ABHD18: variants seen among roughly 807,000 people sequenced by gnomAD.
ABHD18 encodes abhydrolase domain containing 18.
In ABHD18, 55 loss-of-function variants were observed where a neutral mutation model predicts 65.9. The observed-to-expected ratio is 0.84, with a 90% CI of 0.67 to 1.05. ABHD18 has a LOEUF of 1.05. Ranked by LOEUF, ABHD18 falls within the 50% of genes least tolerant of loss-of-function variation. The pLI, the probability that ABHD18 is intolerant of heterozygous loss-of-function variation, is 0.00. For synonymous variants in ABHD18, 181 were observed against 180.2 expected, an observed-to-expected ratio of 1.00 and a Z score of -0.04; for missense variants, 533 against 558.5, an observed-to-expected ratio of 0.95 and a Z score of 0.46.
In ABHD18 at chr4:128,028,684, G is replaced by A. The variant is rs1017084052; in HGVS notation, c.1011G>A (p.Met337Ile). Residue 337 changes from methionine (M) to isoleucine (I), a missense_variant, in exon 11 of 13, where the codon ATG becomes ATA. Physicochemically the swap from Met to Ile is conservative, Grantham distance 10. This residue lies in a region of ABHD18 where 220 missense variants were observed against 226.8 expected (regional missense o/e 0.97). Coordinates refer to ENST00000645843, the MANE Select transcript of ABHD18 (RefSeq NM_001358451.3). ...TCTTATTGCAAGATACCTCTAAGAT[G>A]AAGCGCTTCAATCAAACACTTTCAA... ...EGLLLQDTSK[M>I]KRFNQTLSTN... The A allele has an allele frequency of 1.1e-5, 17 of 1,613,866 alleles. No individual in the cohort carries two copies. Among genetic ancestry groups the A allele is most frequent in the Non-Finnish European group, 1.4e-5 (17 of 1,179,862 alleles).
chr4:127,983,852 G>A (rs531520264), intron 2 of ABHD18, among the ~76,000 whole-genome samples: 2 of 151,682 alleles, frequency 1.3e-5, no homozygotes, highest in East Asian at 1.9e-4. Context: ...GCGAGACTCC[G>A]TCTCAAAAAA....
At chr4:127,984,643 A>T (rs1245004584) in intron 3 of ABHD18, among the ~76,000 whole-genome samples, 1 of 152,138 alleles carries the variant, frequency 6.6e-6, no homozygotes, top group Non-Finnish European at 1.5e-5. Context: ...GGATCACCTG[A>T]GGTTGGGAGT....
At chr4:128,033,048 T>C (rs1333282280) in intron 12 of ABHD18, among the ~76,000 whole-genome samples, 2 of 151,860 alleles carry the variant, frequency 1.3e-5, no homozygotes. Flanking sequence ...GGCCAGGAGA[T>C]CAAGACCATC....
At chr4:127,973,220 T>TA (rs1747193843) in intron 1 of ABHD18, among the ~76,000 whole-genome samples, 1 of 152,156 alleles carries the variant, frequency 6.6e-6, no homozygotes, top group African/African-American at 2.4e-5. Context: ...TTCCCCATGT[T>TA]ACCCAGGCTG....
intron 3 of ABHD18, among the ~76,000 whole-genome samples, chr4:127,987,737 T>A (rs960422455): frequency 1.6e-4 from 24 of 151,594 alleles, no homozygotes; most frequent in African/African-American, 5.6e-4. Flanking sequence ...TAAAAATAAA[T>A]ACATAAGAAG....
intron 4 of ABHD18, 123 bp from the exon 5 acceptor site, chr4:128,008,797 G>A: frequency 1.6e-6 from 1 of 636,764 alleles, no homozygotes; most frequent in Non-Finnish European, 2.7e-6. Flanking sequence ...CAATTTGAAT[G>A]TTAAAATTTC....
At chr4:128,020,769 C>A (rs1037266209) in intron 9 of ABHD18, among the ~76,000 whole-genome samples, 1 of 152,198 alleles carries the variant, frequency 6.6e-6, no homozygotes, top group Non-Finnish European at 1.5e-5. Flanking sequence ...TGCGGTGGCT[C>A]ACGCCTGTAA....
In ABHD18 at chr4:128,036,618, G is replaced by A. The variant is rs1487774629; in HGVS notation, c.*805G>A. On this transcript the variant is annotated 3_prime_UTR_variant, in exon 13 of 13. Transcript: ENST00000645843. Reference sequence around the variant, plus strand: ...ATGGTGGCGCATGCCTATAATCCCAGATACTCAGGAGGCAGAGGCAGGAGA... The same window carrying A: ...ATGGTGGCGCATGCCTATAATCCCAAATACTCAGGAGGCAGAGGCAGGAGA... The A allele has an allele frequency of 6.6e-6, 1 of 152,472 alleles. No individual in the cohort carries two copies. The highest frequency in any genetic ancestry group is 6.5e-5 in the Admixed American group (1 of 15,272). 9.4% of individuals were successfully genotyped at this position (152,472 alleles called of 1,614,324 possible).
At chr4:128,011,505 GA>G (rs1249295169) in intron 6 of ABHD18, among the ~76,000 whole-genome samples, 167 bp from the exon 7 acceptor site, 15 of 150,144 alleles carry the variant, frequency 1.0e-4, no homozygotes, top group African/African-American at 3.7e-4. Flanking sequence ...TAAAAAAAAG[GA>G]AAATAATTAA....
At chr4:128,003,825 G>T (rs1753105316) in intron 4 of ABHD18, among the ~76,000 whole-genome samples, 1 of 151,538 alleles carries the variant, frequency 6.6e-6, no homozygotes, top group African/African-American at 2.4e-5. Flanking sequence ...CGTGCCTGTG[G>T]TCTCAGCTAC....
intron 4 of ABHD18, among the ~76,000 whole-genome samples, chr4:127,991,161 C>A (rs1750850502): frequency 6.6e-6 from 1 of 152,074 alleles, no homozygotes; most frequent in Non-Finnish European, 1.5e-5. Context: ...CCATGCTCGG[C>A]CACTGTTAAT....
chr4:128,035,290 A>G (rs1446983992), intron 12 of ABHD18, among the ~76,000 whole-genome samples: 1 of 152,120 alleles, frequency 6.6e-6, no homozygotes, highest in African/African-American at 2.4e-5. Context: ...CATAAATTGG[A>G]AGTATATTTG....
intron 3 of ABHD18, among the ~76,000 whole-genome samples, chr4:127,987,110 T>G (rs1750098811): frequency 6.6e-6 from 1 of 152,230 alleles, no homozygotes; most frequent in South Asian, 2.1e-4. Flanking sequence ...ATCAGCACTT[T>G]GGGAGGCCGA....
At chr4:128,018,044 C>T (rs1024230166) in intron 8 of ABHD18, among the ~76,000 whole-genome samples, 1 of 152,182 alleles carries the variant, frequency 6.6e-6, no homozygotes, top group African/African-American at 2.4e-5. Flanking sequence ...TGCGTGCACA[C>T]TGGGCTCCAG....
chr4:128,004,921 C>T (rs1055309664), intron 4 of ABHD18, among the ~76,000 whole-genome samples: 7 of 148,708 alleles, frequency 4.7e-5, no homozygotes, highest in African/African-American at 1.7e-4. Context: ...AAAAACAAAA[C>T]AAAACAAAAC....
intron 7 of ABHD18, 81 bp downstream of exon 7, chr4:128,011,781 C>T: frequency 1.1e-6 from 1 of 948,578 alleles, no homozygotes; most frequent in Non-Finnish European, 1.5e-6. Flanking sequence ...CTTCAGTTAA[C>T]CATTTCTAAA....
At chr4:128,009,747 CAT>C (rs1754218741) in intron 6 of ABHD18, 1 of 152,554 alleles carries the variant, frequency 6.6e-6, no homozygotes, top group South Asian at 2.1e-4. Flanking sequence ...TTTGAGAAAA[CAT>C]ATTTTACCAT....
chr4:127,972,130 G>T (rs1423216353), intron 1 of ABHD18, among the ~76,000 whole-genome samples: 3 of 152,178 alleles, frequency 2.0e-5, no homozygotes, highest in Non-Finnish European at 4.4e-5. Flanking sequence ...CCAATGAAGA[G>T]AAACATGAGG....
chr4:128,004,276 A>G (rs1753212210), intron 4 of ABHD18, among the ~76,000 whole-genome samples: 1 of 151,398 alleles, frequency 6.6e-6, no homozygotes, highest in Non-Finnish European at 1.5e-5. Context: ...ACGTGGTGAA[A>G]CCCTGTCTGT....
Sources: allele counts gnomAD v4.1 joint callset (sites outside exome capture counted in the v4.1 genomes callset), GRCh38; gene constraint gnomAD v4.1.1; regional missense constraint gnomAD v4.1.1; transcripts MANE v1.5; gene names NCBI Gene and HGNC (gene_info 2026-07-23, HGNC 2026-07-21).